The following TACC1 variants were observed in gnomAD, a reference collection of about 807,000 sequenced individuals.
TACC1 encodes transforming acidic coiled-coil containing protein 1, also known as transforming acidic coiled-coil-containing protein 1.
A neutral mutation model predicts 84.4 loss-of-function variants in TACC1; 48 were observed. That is an observed-to-expected ratio of 0.57 (90% CI 0.45 to 0.72). The LOEUF (loss-of-function observed/expected upper bound fraction) is 0.72, where lower values mean the gene tolerates loss of function less well. Among genes scored for constraint, TACC1 ranks in the 30% least tolerant of loss-of-function variants. The probability of loss-of-function intolerance (pLI) is 0.00; values close to 1 mark genes in which losing one functional copy is unlikely to be tolerated. For synonymous variants in TACC1, 372 were observed against 376.3 expected, an observed-to-expected ratio of 0.99 and a Z score of 0.13; for missense variants, 920 against 973.0, an observed-to-expected ratio of 0.95 and a Z score of 0.72.
intron 3 of TACC1, among the ~76,000 whole-genome samples, chr8:38,762,808 C>T (rs969900166): frequency 1.2e-4 from 19 of 152,120 alleles, no homozygotes; most frequent in Non-Finnish European, 2.6e-4. Context: ...CCACCCGCCT[C>T]GGCCTCCCAA....
At chr8:38,844,847 C>T (rs1025941895) in intron 11 of TACC1, 3 of 152,170 alleles carry the variant, frequency 2.0e-5, no homozygotes, top group African/African-American at 2.4e-5. Flanking sequence ...GTTTTACTTA[C>T]ACTTTATGGC....
At chr8:38,838,406 C>A in intron 7 of TACC1, 64 bp from the exon 8 acceptor site, 2 of 1,163,096 alleles carry the variant, frequency 1.7e-6, no homozygotes, top group Non-Finnish European at 2.6e-6. Flanking sequence ...TGTGCTATTT[C>A]AGTTCCCAGT....
chr8:38,776,721 A>G (rs557431565), intron 3 of TACC1, among the ~76,000 whole-genome samples: 1 of 152,332 alleles, frequency 6.6e-6, no homozygotes, highest in East Asian at 1.9e-4. Context: ...TGGATTTTAG[A>G]TTGTTGGATT....
In TACC1 at chr8:38,846,903, G is replaced by A. The variant is rs1832422143; in HGVS notation, c.2349+84G>A. 3 of 1,524,210 alleles carry A rather than the reference G, an allele frequency of 2.0e-6. No individual in the cohort carries two copies. The African/African-American group carries it at 4.2e-5, about 21-fold the overall frequency. 94.4% of individuals were successfully genotyped at this position (1,524,210 alleles called of 1,614,324 possible). On this transcript the variant is annotated intron_variant, in intron 12 of 12. Transcript: ENST00000317827. ...GTGACTCACTTAATGACAGATCTGG[G>A]TGAAAGAGGCCTTGGCTTTCTACTC... is the stretch of plus-strand genomic sequence containing the variant.
intron 8 of TACC1, chr8:38,839,249 G>C (rs1563941341): frequency 1.8e-5 from 7 of 387,756 alleles, no homozygotes; most frequent in Non-Finnish European, 3.2e-5. Context: ...CCACCAAATA[G>C]ATGATAGAAA....
In TACC1 at chr8:38,761,384, A is replaced by G. The variant is rs146494943; in HGVS notation, c.26+15891A>G. Among the ~76,000 whole-genome samples the G allele has an allele frequency of 1.5e-3, 228 of 152,344 alleles. 1 individual carries two copies. Among genetic ancestry groups the G allele is most frequent in the African/African-American group, 4.8e-3 (201 of 41,582 alleles). On this transcript the variant is annotated intron_variant, in intron 3 of 14. Coordinates refer to the TACC1 transcript ENST00000518415. ...TTAAGTTTCCAGACCAATCGTTTGC[A>G]TTTGGAATTTAGCATAAGGTCAGTA...
At chr8:38,792,157 A>G (rs1818816640) in intron 2 of TACC1, among the ~76,000 whole-genome samples, 1 of 152,106 alleles carries the variant, frequency 6.6e-6, no homozygotes, top group South Asian at 2.1e-4. Context: ...GCTGGTCTGT[A>G]TTTGCTATCT....
intron 3 of TACC1, among the ~76,000 whole-genome samples, chr8:38,768,203 G>T (rs930735658): frequency 6.6e-6 from 1 of 152,168 alleles, no homozygotes; most frequent in African/African-American, 2.4e-5. Flanking sequence ...CCTTCTGCTG[G>T]TCGGGATCCT....
intron 2 of TACC1, among the ~76,000 whole-genome samples, chr8:38,801,050 C>A (rs1235241361): frequency 6.6e-6 from 1 of 152,152 alleles, no homozygotes; most frequent in Non-Finnish European, 1.5e-5. Flanking sequence ...TGTATATATT[C>A]TTTAGAGAAA....
chr8:38,839,063 ATT>A (rs976103518), intron 8 of TACC1, among the ~76,000 whole-genome samples: 1 of 151,582 alleles, frequency 6.6e-6, no homozygotes, highest in Non-Finnish European at 1.5e-5. Flanking sequence ...TGCCTGCATA[ATT>A]TTTTTTAGAG....
intron 2 of TACC1, chr8:38,799,568 G>A (rs1003815551): frequency 7.2e-5 from 11 of 152,224 alleles, no homozygotes; most frequent in African/African-American, 2.4e-4. Flanking sequence ...GAGGTCAAAT[G>A]TTAAAAGGAA....
intron 3 of TACC1, among the ~76,000 whole-genome samples, chr8:38,780,631 G>GTTT (rs111820072): frequency 7.0e-6 from 1 of 143,638 alleles, no homozygotes; most frequent in Non-Finnish European, 1.5e-5. Flanking sequence ...GTTTTTTTTT[G>GTTT]TTTTTTTTTT....
chr8:38,816,181 T>G (rs1483921581), intron 2 of TACC1, among the ~76,000 whole-genome samples: 1 of 152,190 alleles, frequency 6.6e-6, no homozygotes, highest in Non-Finnish European at 1.5e-5. Context: ...TATCTAACAA[T>G]TCATCCAATT....
intron 3 of TACC1, among the ~76,000 whole-genome samples, chr8:38,780,255 C>T (rs561710178): frequency 1.9e-4 from 29 of 150,524 alleles, no homozygotes; most frequent in African/African-American, 6.3e-4. Context: ...GGTATATGCT[C>T]TGAGGTAAGG....
At chr8:38,731,990 T>C (rs2151605211) in intron 1 of TACC1, among the ~76,000 whole-genome samples, 1 of 152,282 alleles carries the variant, frequency 6.6e-6, no homozygotes, top group East Asian at 1.9e-4. Context: ...CAGGTGCCTG[T>C]AATCTCAGCT....
chr8:38,732,142 A>G (rs1176668169), intron 1 of TACC1, among the ~76,000 whole-genome samples: 1 of 144,828 alleles, frequency 6.9e-6, no homozygotes, highest in African/African-American at 2.7e-5. Flanking sequence ...AAGAAAGAAA[A>G]GAAAAGAAAA....
Position 38,820,133 on chromosome 8 carries a change from A to T in TACC1, c.889A>T (p.Thr297Ser), listed in dbSNP as rs761127382. 1 of 1,613,994 alleles carries T rather than the reference A, an allele frequency of 6.2e-7. No homozygotes were observed. The highest frequency in any genetic ancestry group is 1.1e-5 in the South Asian group (1 of 91,080). ...CCCTGACCTTAAAGAAACTCCCGGC[A>T]CTCTCAGTAGTGACACCAACGACTC... ...SPPDLKETPGTLSSDTNDSGV... is the reference protein window; with the variant it reads ...SPPDLKETPGSLSSDTNDSGV... The change falls in exon 3 of 13, where the codon ACT becomes TCT. Residue 297 changes from threonine to serine, a missense_variant. Coordinates refer to ENST00000317827, the MANE Select transcript of TACC1 (RefSeq NM_006283.3).
intron 9 of TACC1, chr8:38,840,499 C>A (rs1044831558): frequency 8.4e-6 from 3 of 358,406 alleles, no homozygotes; most frequent in Admixed American, 8.8e-5. Context: ...GGACACTAAT[C>A]CTGACATAAT....
chr8:38,810,443 C>T (rs1000537751), intron 2 of TACC1, among the ~76,000 whole-genome samples: 2 of 151,492 alleles, frequency 1.3e-5, no homozygotes, highest in Non-Finnish European at 2.9e-5. Context: ...TCTACAAATT[C>T]TTTTTTTTAA....
Sources: allele counts gnomAD v4.1 joint callset (sites outside exome capture counted in the v4.1 genomes callset), GRCh38; gene constraint gnomAD v4.1.1; transcripts MANE v1.5; gene names NCBI Gene and HGNC (gene_info 2026-07-23, HGNC 2026-07-21).